FMR1NB: variants seen among roughly 807,000 people sequenced by gnomAD.
The protein encoded by FMR1NB is FMR1 neighbor.
FMR1NB carries 10 observed loss-of-function variants against 16.8 expected under a neutral mutation model. The observed-to-expected ratio is 0.60, with a 90% CI of 0.37 to 1.01. The LOEUF is 1.01. Ranked by LOEUF, FMR1NB falls within the 50% of genes least tolerant of loss-of-function variation. The pLI is 0.01. For synonymous variants in FMR1NB, 83 were observed against 79.1 expected, an observed-to-expected ratio of 1.05 and a Z score of -0.26; for missense variants, 205 against 204.8, an observed-to-expected ratio of 1.00 and a Z score of 0.00.
intron 1 of FMR1NB, among the ~76,000 whole-genome samples, chrX:147,983,953 GC>G (rs1243996998): frequency 9.0e-6 from 1 of 111,372 alleles, no homozygotes; most frequent in Non-Finnish European, 1.9e-5. Flanking sequence ...CGTGTGGATA[GC>G]CCCTCGTTCC....
At chrX:147,989,183 T>C (rs2044491377) in intron 1 of FMR1NB, among the ~76,000 whole-genome samples, 1 of 112,101 alleles carries the variant, frequency 8.9e-6, no homozygotes, top group Non-Finnish European at 1.9e-5. Context: ...ATGGGATTTC[T>C]GTGTGGGGGT....
At chrX:148,011,610 G>GT (rs1250201525) in intron 4 of FMR1NB, among the ~76,000 whole-genome samples, 3 of 111,570 alleles carry the variant, frequency 2.7e-5, no homozygotes, top group Non-Finnish European at 5.6e-5. Flanking sequence ...TTTTGAAGCA[G>GT]TGGAGATCAG....
At chrX:148,004,607 C>G (rs1215254590) in intron 2 of FMR1NB, among the ~76,000 whole-genome samples, 2 of 111,917 alleles carry the variant, frequency 1.8e-5, no homozygotes, top group Non-Finnish European at 3.8e-5. Context: ...ATATTTTTAA[C>G]CAATTTATTT....
At chrX:148,014,691 T>C (rs954142130) in intron 4 of FMR1NB, among the ~76,000 whole-genome samples, 2 of 109,309 alleles carry the variant, frequency 1.8e-5, no homozygotes, top group Non-Finnish European at 3.8e-5. Flanking sequence ...GTCACCCAGG[T>C]TGGAGTGCAG....
chrX:147,991,294 A>T (rs2044503124), intron 1 of FMR1NB, among the ~76,000 whole-genome samples: 1 of 104,702 alleles, frequency 9.6e-6, no homozygotes, highest in Non-Finnish European at 2.0e-5. Context: ...AACCTCCTTC[A>T]TCTCCTCTTC....
chrX:148,010,375 A>G (rs1012409101), intron 4 of FMR1NB, among the ~76,000 whole-genome samples: 1 of 111,984 alleles, frequency 8.9e-6, no homozygotes, highest in Non-Finnish European at 1.9e-5. Context: ...ACAATGATTG[A>G]GAGTGGATGG....
At chrX:147,983,814 G>A (rs1221163974) in intron 1 of FMR1NB, among the ~76,000 whole-genome samples, 2 of 111,925 alleles carry the variant, frequency 1.8e-5, no homozygotes, top group Admixed American at 1.9e-4. Context: ...CAGATCCAAG[G>A]TCATGACGAT....
intron 1 of FMR1NB, among the ~76,000 whole-genome samples, chrX:147,989,648 A>C (rs1162217384): frequency 3.6e-5 from 4 of 111,953 alleles, no homozygotes; most frequent in African/African-American, 1.3e-4. Flanking sequence ...GCTCTGTCCC[A>C]GTGAGACGGG....
intron 1 of FMR1NB, among the ~76,000 whole-genome samples, chrX:147,993,145 G>C (rs782775624): frequency 8.9e-6 from 1 of 112,134 alleles, no homozygotes; most frequent in Non-Finnish European, 1.9e-5. Flanking sequence ...CTGAGTGAAC[G>C]AGACTCCGTC....
At chrX:147,997,375 T>C (rs1354580683) in intron 1 of FMR1NB, among the ~76,000 whole-genome samples, 1 of 111,869 alleles carries the variant, frequency 8.9e-6, no homozygotes, top group Non-Finnish European at 1.9e-5. Flanking sequence ...TCCTATTTAA[T>C]AAAGGGTATT....
At chrX:147,993,811 CA>C (rs1232131150) in intron 1 of FMR1NB, among the ~76,000 whole-genome samples, 1 of 110,432 alleles carries the variant, frequency 9.1e-6, no homozygotes, top group Non-Finnish European at 1.9e-5. Flanking sequence ...CTTCCTTCAC[CA>C]CCCAAAGGTA....
intron 1 of FMR1NB, among the ~76,000 whole-genome samples, chrX:147,993,018 G>C (rs782125881): frequency 1.1e-5 from 1 of 87,111 alleles, no homozygotes; most frequent in Non-Finnish European, 2.3e-5. Flanking sequence ...ACGGGGTGGC[G>C]GCCGGGCAGA....
chrX:148,002,304 G>C (rs2044574711), intron 1 of FMR1NB, among the ~76,000 whole-genome samples: 1 of 111,235 alleles, frequency 9.0e-6, no homozygotes, highest in African/African-American at 3.3e-5. Context: ...GTTTTATTTT[G>C]GCCATCAAAT....
In FMR1NB at chrX:148,019,510, T is replaced by C. The variant is rs148873126; in HGVS notation, c.633-5355T>C. On this transcript the variant is annotated intron_variant, in intron 4 of 5. Transcript: ENST00000370467. ...GCATTGAAGAGTTAGGTATTCATTG[T>C]ACTGTTCACTATCTGGGCTTGTTTG... Among the ~76,000 whole-genome samples, 374 of 111,921 alleles carry C rather than the reference T, an allele frequency of 3.3e-3. 2 individuals carry two copies. The highest frequency in any genetic ancestry group is 0.012 in the African/African-American group (365 of 30,762).
chrX:147,991,237 C>T (rs782450806), intron 1 of FMR1NB, among the ~76,000 whole-genome samples: 2 of 110,496 alleles, frequency 1.8e-5, no homozygotes, highest in South Asian at 7.9e-4. Context: ...TCTCCCTCAT[C>T]TCCTCTCACA....
At chrX:148,008,736 G>T (rs1222339408) in intron 4 of FMR1NB, 25 bp downstream of exon 4, 4 of 1,146,371 alleles carry the variant, frequency 3.5e-6, no homozygotes, top group African/African-American at 1.8e-5. Context: ...ACTTTTATTT[G>T]CTCGTTGCTA....
chrX:148,015,319 T>G (rs1434266858), intron 4 of FMR1NB, among the ~76,000 whole-genome samples: 8 of 112,052 alleles, frequency 7.1e-5, no homozygotes, highest in Non-Finnish European at 1.3e-4. Context: ...ATTTCAAATT[T>G]ATTTATTTCT....
In FMR1NB at chrX:148,024,946, G is replaced by C; in HGVS notation, c.714G>C (p.Lys238Asn). The change falls in exon 5 of 6, where the codon AAG becomes AAC. Residue 238 changes from lysine (K) to asparagine (N), a missense_variant. Physicochemically the swap from Lys to Asn is moderately conservative, Grantham distance 94. Coordinates refer to ENST00000370467, the MANE Select transcript of FMR1NB (RefSeq NM_152578.3). ...LKKQRRKRKR[K>N]SEMLQKAARG... ...AACAAAGAAGGAAGCGAAAGAGGAAGTCTGAAATGTTACAGAAAGCAGCAA... is the reference window on the plus strand; with the variant it reads ...AACAAAGAAGGAAGCGAAAGAGGAACTCTGAAATGTTACAGAAAGCAGCAA... The C allele has an allele frequency of 1.7e-6, 2 of 1,211,200 alleles. No homozygotes were observed. Among genetic ancestry groups the C allele is most frequent in the Non-Finnish European group, 2.2e-6 (2 of 895,066 alleles).
chrX:147,985,197 G>A (rs781989734), intron 1 of FMR1NB, among the ~76,000 whole-genome samples: 1 of 111,859 alleles, frequency 8.9e-6, no homozygotes, highest in Non-Finnish European at 1.9e-5. Flanking sequence ...GAGTTAAGAA[G>A]TATTGTTGCT....
Sources: allele counts gnomAD v4.1 joint callset (sites outside exome capture counted in the v4.1 genomes callset), GRCh38; gene constraint gnomAD v4.1.1; transcripts MANE v1.5; gene names NCBI Gene and HGNC (gene_info 2026-07-23, HGNC 2026-07-21).